Variants in DNAH11 observed in about 807,000 individuals in gnomAD.
DNAH11 encodes axonemal beta dynein heavy chain 11.
In DNAH11, 442 loss-of-function variants were observed where a neutral mutation model predicts 526.0. That is an observed-to-expected ratio of 0.84 (90% confidence interval 0.78 to 0.91). The LOEUF (loss-of-function observed/expected upper bound fraction) is 0.91. Ranked by LOEUF, DNAH11 falls within the 40% of genes least tolerant of loss-of-function variation. The pLI is 0.00. For missense variants in DNAH11, 6,989 were observed against 5,448.7 expected (o/e 1.28, Z -8.90); for synonymous variants, 2,461 against 1,935.9 (o/e 1.27, Z -7.12).
intron 2 of DNAH11, among the ~76,000 whole-genome samples, chr7:21,547,661 T>C (rs761737470): frequency 6.6e-6 from 1 of 152,242 alleles, no homozygotes; most frequent in Non-Finnish European, 1.5e-5. Flanking sequence ...GTCTACATTC[T>C]GTTCCTTTAT....
intron 28 of DNAH11, among the ~76,000 whole-genome samples, chr7:21,642,462 G>T (rs556825039): frequency 6.6e-6 from 1 of 152,238 alleles, no homozygotes; most frequent in African/African-American, 2.4e-5. Context: ...GCCAGATAGT[G>T]TGATCTTGCC....
Position 21,901,329 on chromosome 7 carries a change from T to A in DNAH11, c.*75T>A. On this transcript the variant is annotated 3_prime_UTR_variant, in exon 82 of 82. Transcript: ENST00000409508. ...CTAGCATGTTGCTGCACTGTTCCCA[T>A]GCACATTATTCTAACTTTTTAGTAA... 4 of 1,432,748 alleles carry A rather than the reference T, an allele frequency of 2.8e-6. No homozygotes were observed. Among genetic ancestry groups the A allele is most frequent in the Non-Finnish European group, 3.7e-6 (4 of 1,084,104 alleles). 88.8% of individuals were successfully genotyped at this position (1,432,748 alleles called of 1,614,324 possible).
At chr7:21,825,468 A>G (rs1790244042) in intron 65 of DNAH11, among the ~76,000 whole-genome samples, 1 of 152,230 alleles carries the variant, frequency 6.6e-6, no homozygotes, top group Non-Finnish European at 1.5e-5. Context: ...TTAGAAATGT[A>G]CATGCTCACT....
intron 74 of DNAH11, among the ~76,000 whole-genome samples, chr7:21,875,984 C>G (rs577160318): frequency 6.7e-6 from 1 of 148,804 alleles, no homozygotes; most frequent in East Asian, 2.0e-4. Context: ...CCCAGGTTCA[C>G]GCCATTCTCC....
rs1260072209 is a variant in DNAH11, at chr7:21,659,049, G to A, written c.5328+18G>A. 2 of 1,537,962 alleles carry A rather than the reference G, an allele frequency of 1.3e-6. No individual in the cohort carries two copies. Among genetic ancestry groups the A allele is most frequent in the Non-Finnish European group, 1.8e-6 (2 of 1,138,390 alleles). ...AAAAACAGGTATTACATAGATTTGT[G>A]ATTTTGAGACATAAAGGAACTTCAA... On this transcript the variant is annotated intron_variant, in intron 30 of 81. Transcript: ENST00000409508.
intron 59 of DNAH11, 126 bp from the exon 60 acceptor site, chr7:21,787,275 G>A: frequency 6.0e-6 from 5 of 833,396 alleles, no homozygotes; most frequent in South Asian, 3.9e-5. Context: ...TCAAACAGTA[G>A]GATAAATGCA....
chr7:21,583,234 C>T (rs944194691), intron 9 of DNAH11, among the ~76,000 whole-genome samples: 1 of 152,132 alleles, frequency 6.6e-6, no homozygotes, highest in Non-Finnish European at 1.5e-5. Flanking sequence ...GGTACCAAAA[C>T]AGATTGTAGA....
At chr7:21,701,754 G>A (rs1048060364) in intron 36 of DNAH11, among the ~76,000 whole-genome samples, 8 of 152,168 alleles carry the variant, frequency 5.3e-5, no homozygotes, top group African/African-American at 1.9e-4. Context: ...CAAAAAATTT[G>A]TACTCATATT....
intron 20 of DNAH11, among the ~76,000 whole-genome samples, chr7:21,608,428 A>T (rs561205941): frequency 6.6e-6 from 1 of 152,166 alleles, no homozygotes; most frequent in Non-Finnish European, 1.5e-5. Context: ...TGTCACCCTG[A>T]TTTCATTTCA....
intron 65 of DNAH11, among the ~76,000 whole-genome samples, chr7:21,841,027 T>A (rs963372105): frequency 6.6e-6 from 1 of 151,988 alleles, no homozygotes; most frequent in Non-Finnish European, 1.5e-5. Flanking sequence ...ACTAAAAATA[T>A]ACAAAAATTA....
chr7:21,567,489 A>G (rs974181022), intron 6 of DNAH11, among the ~76,000 whole-genome samples: 2 of 152,220 alleles, frequency 1.3e-5, no homozygotes, highest in African/African-American at 4.8e-5. Context: ...TAATACTTAA[A>G]TTGGATAGAT....
chr7:21,804,060 G>T (rs920437197), intron 62 of DNAH11, among the ~76,000 whole-genome samples: 1 of 151,232 alleles, frequency 6.6e-6, no homozygotes, highest in Admixed American at 6.6e-5. Context: ...CTAGGTGATA[G>T]CCTCATTTCT....
intron 63 of DNAH11, among the ~76,000 whole-genome samples, chr7:21,808,550 C>T (rs1239737462): frequency 6.6e-6 from 1 of 152,184 alleles, no homozygotes; most frequent in Non-Finnish European, 1.5e-5. Context: ...CCACTTCCCT[C>T]CCTCTGGTTC....
At chr7:21,887,620 T>G (rs1314215854) in intron 76 of DNAH11, among the ~76,000 whole-genome samples, 1 of 152,220 alleles carries the variant, frequency 6.6e-6, no homozygotes, top group Non-Finnish European at 1.5e-5. Flanking sequence ...GGTTTAAACT[T>G]TGGTACAATG....
At chr7:21,867,833 T>G in intron 71 of DNAH11, 26 bp from the exon 72 acceptor site, 2 of 1,318,826 alleles carry the variant, frequency 1.5e-6, no homozygotes, top group Non-Finnish European at 2.1e-6. Flanking sequence ...CCACTGATCA[T>G]GTTTTTATAT....
chr7:21,544,397 A>G (rs567489177), intron 1 of DNAH11, among the ~76,000 whole-genome samples: 13 of 152,326 alleles, frequency 8.5e-5, no homozygotes, highest in African/African-American at 3.1e-4. Context: ...GGTATTGTGA[A>G]TTTTGAATTC....
intron 51 of DNAH11, 21 bp from the exon 52 acceptor site, chr7:21,748,559 A>G (rs1398493560): frequency 6.8e-7 from 1 of 1,469,698 alleles, no homozygotes; most frequent in Non-Finnish European, 9.0e-7. Flanking sequence ...TTGTGCCATA[A>G]TGGGCGCTTC....
chr7:21,900,837 G>GTAACCTACCTTT, intron 81 of DNAH11, 170 bp from the exon 82 acceptor site: 1 of 1,108,240 alleles, frequency 9.0e-7, no homozygotes. Flanking sequence ...TGCAGGCAGG[G>GTAACCTACCTTT]TAACCTACCT....
At chr7:21,852,221 G>T (rs551173137) in intron 66 of DNAH11, among the ~76,000 whole-genome samples, 3 of 151,770 alleles carry the variant, frequency 2.0e-5, no homozygotes, top group East Asian at 1.9e-4. Flanking sequence ...CTTGACCAAC[G>T]TGGTGAAACC....
Sources: allele counts gnomAD v4.1 joint callset (sites outside exome capture counted in the v4.1 genomes callset), GRCh38; gene constraint gnomAD v4.1.1; transcripts MANE v1.5; gene names NCBI Gene and HGNC (gene_info 2026-07-23, HGNC 2026-07-21).